VWA8: variants seen among roughly 807,000 people sequenced by gnomAD.
VWA8 encodes the protein von Willebrand factor A domain containing 8, also known as von Willebrand factor A domain-containing protein 8.
VWA8 carries 221 observed loss-of-function variants against 241.5 expected under a neutral mutation model. The ratio of observed to expected loss-of-function variants is 0.91; its 90% confidence interval spans 0.82 to 1.02. VWA8 has a LOEUF of 1.02. VWA8 is among the 50% of genes least tolerant of loss of function. VWA8 has a pLI of 0.00. For missense variants in VWA8, 2,322 were observed against 2,328.7 expected (o/e 1.00, Z 0.06); for synonymous variants, 852 against 827.1 (o/e 1.03, Z -0.52).
chr13:41,655,892 G>A (rs1219922972), intron 37 of VWA8, among the ~76,000 whole-genome samples: 1 of 152,178 alleles, frequency 6.6e-6, no homozygotes, highest in Non-Finnish European at 1.5e-5. Context: ...GAATCTTAAA[G>A]TATGTTCCTG....
At chr13:41,609,030 T>C (rs1229415793) in intron 39 of VWA8, among the ~76,000 whole-genome samples, 1 of 152,192 alleles carries the variant, frequency 6.6e-6, no homozygotes, top group Non-Finnish European at 1.5e-5. Context: ...TAAAGGATGA[T>C]TCCATTACTT....
At chr13:41,769,916 A>C (rs1398740107) in intron 20 of VWA8, among the ~76,000 whole-genome samples, 1 of 152,238 alleles carries the variant, frequency 6.6e-6, no homozygotes, top group East Asian at 1.9e-4. Context: ...TCAAACACGG[A>C]TCACAACAAT....
At chr13:41,911,464 A>C (rs1236301655) in intron 3 of VWA8, among the ~76,000 whole-genome samples, 1 of 152,196 alleles carries the variant, frequency 6.6e-6, no homozygotes, top group East Asian at 1.9e-4. Context: ...AACATGTCAG[A>C]AAGGGGAAAC....
At chr13:41,909,749 T>A (rs923455366) in intron 3 of VWA8, among the ~76,000 whole-genome samples, 1 of 152,202 alleles carries the variant, frequency 6.6e-6, no homozygotes, top group Non-Finnish European at 1.5e-5. Context: ...CCCCAGGTGC[T>A]GATTCACGAA....
chr13:41,738,943 G>A (rs551341018), intron 21 of VWA8, among the ~76,000 whole-genome samples: 8 of 152,084 alleles, frequency 5.3e-5, no homozygotes, highest in Non-Finnish European at 1.2e-4. Flanking sequence ...AGTAAATATG[G>A]TATATATGAC....
intron 21 of VWA8, among the ~76,000 whole-genome samples, chr13:41,752,835 G>A (rs1028591526): frequency 6.6e-6 from 1 of 152,058 alleles, no homozygotes; most frequent in South Asian, 2.1e-4. Context: ...TGATAGGCAG[G>A]GAAATTAAGA....
intron 2 of VWA8, among the ~76,000 whole-genome samples, chr13:41,931,914 AAAG>A (rs1877142044): frequency 6.6e-6 from 1 of 152,108 alleles, no homozygotes; most frequent in Non-Finnish European, 1.5e-5. Context: ...AAGACTAGAA[AAAG>A]AAGAGAAAAT....
chr13:41,912,460 G>C (rs915663214), intron 2 of VWA8, among the ~76,000 whole-genome samples: 1 of 152,026 alleles, frequency 6.6e-6, no homozygotes, highest in East Asian at 1.9e-4. Context: ...TTCCTTACTT[G>C]AAAGCTTTCC....
intron 37 of VWA8, among the ~76,000 whole-genome samples, chr13:41,619,244 G>C (rs571054143): frequency 2.0e-5 from 3 of 152,204 alleles, no homozygotes; most frequent in Non-Finnish European, 4.4e-5. Context: ...GTGAATGGGA[G>C]TTCACTCGTG....
At chr13:41,882,758 A>T (rs1391055256) in intron 9 of VWA8, among the ~76,000 whole-genome samples, 1 of 145,068 alleles carries the variant, frequency 6.9e-6, no homozygotes, top group African/African-American at 2.7e-5. Context: ...GCAGCAGTAC[A>T]GTCCAGCTTC....
chr13:41,843,813 C>T, intron 12 of VWA8, among the ~76,000 whole-genome samples: 1 of 152,238 alleles, frequency 6.6e-6, no homozygotes, highest in East Asian at 1.9e-4. Flanking sequence ...CCGAAACAGA[C>T]CAATATCAAG....
intron 21 of VWA8, among the ~76,000 whole-genome samples, chr13:41,735,883 G>A (rs1469477394): frequency 1.3e-5 from 2 of 152,058 alleles, no homozygotes; most frequent in Non-Finnish European, 1.5e-5. Context: ...TTTTCAGAGG[G>A]TGCTTGATTA....
chr13:41,830,811 G>A (rs992314419), intron 13 of VWA8, among the ~76,000 whole-genome samples, 169 bp from the exon 14 acceptor site: 6 of 152,046 alleles, frequency 3.9e-5, no homozygotes, highest in Non-Finnish European at 7.4e-5. Context: ...GTTACACTTC[G>A]CAAAACTGTT....
At chr13:41,926,642 G>A (rs1876855852) in intron 2 of VWA8, 1 of 543,536 alleles carries the variant, frequency 1.8e-6, no homozygotes, top group Non-Finnish European at 3.7e-6. Flanking sequence ...GGAAATCACA[G>A]AGAAGATGGT....
rs141535601 is a variant in VWA8, at chr13:41,577,370, ATTATTC to A, written c.5272-1538_5272-1533del. ...AACACATTCCATATAAGAAAAAAAA[ATTATTC>A]TTAGTATAGTTTGCTATCAATAGAG... On this transcript the variant is annotated intron_variant, in intron 42 of 44. Coordinates refer to ENST00000379310, the MANE Select transcript of VWA8 (RefSeq NM_015058.2). 6.1e-3 allele frequency among the ~76,000 whole-genome samples: 927 copies of A among 152,370 alleles called. 11 individuals carry two copies. Among genetic ancestry groups the A allele is most frequent in the African/African-American group, 0.021 (867 of 41,588 alleles).
Position 41,691,401 on chromosome 13 carries a change from G to A in VWA8, c.3785C>T (p.Thr1262Ile). ...CTTGAGGTTGATGGGAAGTGAGATG[G>A]TGTGAGTTCGCCCTTCTAGAACATC... is the stretch of plus-strand genomic sequence containing the variant. Reference protein sequence around the residue: ...VLDVLEGRTHTISLPINLKTV... With the variant: ...VLDVLEGRTHIISLPINLKTV... The change falls in exon 32 of 45, where the codon ACC (threonine) becomes ATC (isoleucine). Residue 1262 changes from threonine (T) to isoleucine (I), a missense_variant. Thr to Ile is a moderately conservative substitution (Grantham distance 89, BLOSUM62 -1). Coordinates refer to ENST00000379310, the MANE Select transcript of VWA8 (RefSeq NM_015058.2). 6.2e-7 allele frequency: 1 copy of A among 1,612,776 alleles called. No individual in the cohort carries two copies. Among genetic ancestry groups the A allele is most frequent in the East Asian group, 2.2e-5 (1 of 44,858 alleles).
chr13:41,871,687 T>G (rs1873626266), intron 9 of VWA8, among the ~76,000 whole-genome samples: 1 of 152,192 alleles, frequency 6.6e-6, no homozygotes, highest in South Asian at 2.1e-4. Context: ...TGCCACATTT[T>G]CTTAATCCAG....
At chr13:41,865,613 C>G in intron 12 of VWA8, 123 bp downstream of exon 12, 1 of 947,014 alleles carries the variant, frequency 1.1e-6, no homozygotes. Context: ...AATTTTATTA[C>G]TATTTTGGTT....
chr13:41,895,323 T>C (rs1875045744), intron 4 of VWA8, among the ~76,000 whole-genome samples: 1 of 152,076 alleles, frequency 6.6e-6, no homozygotes, highest in African/African-American at 2.4e-5. Flanking sequence ...TGTCCTTAAA[T>C]TGAAAGAAAA....
Sources: allele counts gnomAD v4.1 joint callset (sites outside exome capture counted in the v4.1 genomes callset), GRCh38; gene constraint gnomAD v4.1.1; transcripts MANE v1.5; gene names NCBI Gene and HGNC (gene_info 2026-07-23, HGNC 2026-07-21).